Variants in SLC16A12 observed in about 807,000 individuals in gnomAD.
SLC16A12 encodes the protein monocarboxylate transporter 12.
In SLC16A12, 17 loss-of-function variants were observed where a neutral mutation model predicts 42.4. That is an observed-to-expected ratio of 0.40 (90% CI 0.27 to 0.60). The LOEUF is 0.60. Among genes scored for constraint, SLC16A12 ranks in the 20% least tolerant of loss-of-function variants. The probability of loss-of-function intolerance (pLI) is 0.42; values close to 1 mark genes in which losing one functional copy is unlikely to be tolerated. For synonymous variants in SLC16A12, 224 were observed against 229.4 expected, an observed-to-expected ratio of 0.98 and a Z score of 0.21; for missense variants, 544 against 623.0, an observed-to-expected ratio of 0.87 and a Z score of 1.35.
At position 89,431,693 on chromosome 10, in the gene SLC16A12, G is replaced by A. The variant is rs1451591596; in HGVS notation, c.*1371C>T. 6.6e-6 allele frequency: 1 copy of A among 152,114 alleles called. No individual in the cohort carries two copies. Among genetic ancestry groups the A allele is most frequent in the East Asian group, 1.9e-4 (1 of 5,188 alleles). 9.4% of individuals were successfully genotyped at this position (152,114 alleles called of 1,614,324 possible). A position where few individuals can be genotyped will look rare whatever the true frequency, so the allele number is the denominator to read the frequency against. ...GATTGCATAATTTACTCCTATTACA[G>A]GTGTGACACACTGTGAGATTCAGGA... is the stretch of plus-strand genomic sequence containing the variant. On this transcript the variant is annotated 3_prime_UTR_variant, in exon 8 of 8. Transcript: ENST00000371790.
In SLC16A12 at chr10:89,490,258, G is replaced by A. The variant is rs147996380; in HGVS notation, c.-46-27634C>T. On this transcript the variant is annotated intron_variant, in intron 2 of 7. Coordinates refer to ENST00000371790, the MANE Select transcript of SLC16A12 (RefSeq NM_213606.4). ...GGCAACTCCTGGAGGAGGTCATGTC[G>A]GTTTATATGTAAAACAGTACTCTGT... 1.6e-4 allele frequency among the ~76,000 whole-genome samples: 25 copies of A among 152,220 alleles called. No homozygotes were observed. The South Asian group carries it at 2.5e-3, about 15-fold the overall frequency.
chr10:89,505,375 A>C (rs1190933586), intron 2 of SLC16A12, among the ~76,000 whole-genome samples: 1 of 151,934 alleles, frequency 6.6e-6, no homozygotes, highest in Non-Finnish European at 1.5e-5. Flanking sequence ...AGATCATGCC[A>C]CTGCACTCCT....
intron 2 of SLC16A12, among the ~76,000 whole-genome samples, chr10:89,506,726 T>C (rs1025999868): frequency 3.3e-5 from 5 of 152,038 alleles, no homozygotes; most frequent in Non-Finnish European, 7.3e-5. Flanking sequence ...GAGAATGAGT[T>C]TGACAAATTG....
At chr10:89,546,346 AAAC>A (rs1843742580) in intron 2 of SLC16A12, among the ~76,000 whole-genome samples, 1 of 152,204 alleles carries the variant, frequency 6.6e-6, no homozygotes, top group South Asian at 2.1e-4. Context: ...ACAAGAAAAA[AAAC>A]AACACCATCA....
intron 2 of SLC16A12, among the ~76,000 whole-genome samples, chr10:89,530,421 TTTTC>T (rs1469724761): frequency 5.9e-5 from 9 of 151,920 alleles, no homozygotes; most frequent in African/African-American, 1.9e-4. Context: ...TGGTTTTTTT[TTTTC>T]TTTTTTTTCT....
At chr10:89,539,912 T>TCTTTCTTTC (rs1554833983), upstream of SLC16A12, among the ~76,000 whole-genome samples, 2 of 66,530 alleles carry the variant, frequency 3.0e-5, no homozygotes, top group African/African-American at 6.0e-5. Context: ...TTTCTTTCTT[T>TCTTTCTTTC]TTTCTTTTTT....
intron 2 of SLC16A12, among the ~76,000 whole-genome samples, chr10:89,468,442 C>A (rs1469842456): frequency 1.3e-5 from 2 of 152,208 alleles, no homozygotes; most frequent in African/African-American, 4.8e-5. Context: ...AGGCAAGTAG[C>A]TTTGGCTGAC....
Position 89,439,168 on chromosome 10 carries a change from A to G in SLC16A12, c.464T>C (p.Leu155Pro). 6.2e-7 allele frequency: 1 copy of G among 1,614,188 alleles called. No homozygotes were observed. The highest frequency in any genetic ancestry group is 8.5e-7 in the Non-Finnish European group (1 of 1,180,022). The change falls in exon 6 of 8, where the codon CTT becomes CCT. Residue 155 changes from leucine to proline, a missense_variant. Transcript: ENST00000371790. Reference protein sequence around the residue: ...LGVLTGLGFALCYSPAIAMVG... With the variant: ...LGVLTGLGFAPCYSPAIAMVG... ...CATGGCAATAGCTGGAGAGTAACAA[A>G]GTGCAAATCCAAGACCTGAGGATAA... is the stretch of plus-strand genomic sequence containing the variant.
In SLC16A12 at chr10:89,430,543, A is replaced by C; in HGVS notation, c.*2521T>G. 1 of 423,926 alleles carries C rather than the reference A, an allele frequency of 2.4e-6. No individual in the cohort carries two copies. Among genetic ancestry groups the C allele is most frequent in the Admixed American group, 3.8e-5 (1 of 26,436 alleles). 26.3% of individuals were successfully genotyped at this position (423,926 alleles called of 1,614,324 possible). The stretch of plus-strand genomic sequence containing the variant: ...TTTTGTTCTTGATTCCACAAAATAC[A>C]TCATTCCCATGAATTTCTCAGTTTT... On this transcript the variant is annotated 3_prime_UTR_variant, in exon 8 of 8. Transcript: ENST00000371790.
intron 2 of SLC16A12, among the ~76,000 whole-genome samples, chr10:89,513,299 A>T (rs1843193391): frequency 6.6e-6 from 1 of 152,140 alleles, no homozygotes; most frequent in South Asian, 2.1e-4. Flanking sequence ...AAAGTATTTG[A>T]TTGTTTGAAT....
Position 89,494,696 on chromosome 10 carries a change from C to T in SLC16A12, c.-46-32072G>A, listed in dbSNP as rs117395552. 4.8e-3 allele frequency among the ~76,000 whole-genome samples: 732 copies of T among 152,192 alleles called. 2 individuals are homozygous for T. Among genetic ancestry groups the T allele is most frequent in the Middle Eastern group, 0.01 (3 of 294 alleles). On this transcript the variant is annotated intron_variant, in intron 2 of 7. Coordinates refer to ENST00000371790, the MANE Select transcript of SLC16A12 (RefSeq NM_213606.4). ...TTTAGCAAAACAGAGAACACTGAAACCTAATCCAACATGGAAGGGAGACGG... is the reference window on the plus strand; with the variant it reads ...TTTAGCAAAACAGAGAACACTGAAATCTAATCCAACATGGAAGGGAGACGG...
intron 2 of SLC16A12, among the ~76,000 whole-genome samples, chr10:89,528,432 T>A (rs1843490074): frequency 6.6e-6 from 1 of 152,290 alleles, no homozygotes; most frequent in African/African-American, 2.4e-5. Context: ...TTGAAAATAG[T>A]TGGTTAATTA....
At chr10:89,508,162 G>A (rs934827139) in intron 2 of SLC16A12, among the ~76,000 whole-genome samples, 1 of 152,142 alleles carries the variant, frequency 6.6e-6, no homozygotes, top group African/African-American at 2.4e-5. Context: ...ATATTAGACA[G>A]ATCAATGAGA....
At chr10:89,529,583 T>C (rs1843508165) in intron 2 of SLC16A12, among the ~76,000 whole-genome samples, 1 of 150,058 alleles carries the variant, frequency 6.7e-6, no homozygotes, top group African/African-American at 2.5e-5. Flanking sequence ...AGTCTCTCTC[T>C]GTTGCCCAGG....
chr10:89,440,469 C>T (rs919066505), intron 5 of SLC16A12, among the ~76,000 whole-genome samples: 3 of 152,206 alleles, frequency 2.0e-5, no homozygotes, highest in South Asian at 2.1e-4. Context: ...TGGCACAATG[C>T]CCAGACAGGA....
At position 89,525,721 on chromosome 10, in the gene SLC16A12, A is replaced by G. The variant is rs186971703; in HGVS notation, c.-47+8780T>C. 1.5e-3 allele frequency among the ~76,000 whole-genome samples: 232 copies of G among 152,320 alleles called. 1 individual carries two copies. Among genetic ancestry groups the G allele is most frequent in the African/African-American group, 5.2e-3 (216 of 41,564 alleles). On this transcript the variant is annotated intron_variant, in intron 2 of 7. Coordinates refer to ENST00000371790, the MANE Select transcript of SLC16A12 (RefSeq NM_213606.4). ...GGTGTTCCTCATGACTAAATTTACC[A>G]AAGAGCCGGCTGGCATTGAGGGTGG...
intron 2 of SLC16A12, among the ~76,000 whole-genome samples, chr10:89,522,454 G>A (rs1314077332): frequency 1.3e-5 from 2 of 152,070 alleles, no homozygotes; most frequent in Admixed American, 6.5e-5. Flanking sequence ...CCCCAATTCT[G>A]CATCAATCTG....
intron 2 of SLC16A12, among the ~76,000 whole-genome samples, chr10:89,555,696 TAC>T (rs1335827589): frequency 8.4e-6 from 1 of 119,638 alleles, no homozygotes; most frequent in Non-Finnish European, 1.7e-5. Context: ...CACACATATA[TAC>T]ATATATATAT....
chr10:89,513,005 C>T (rs1247420515), intron 2 of SLC16A12, among the ~76,000 whole-genome samples: 1 of 152,150 alleles, frequency 6.6e-6, no homozygotes, highest in South Asian at 2.1e-4. Flanking sequence ...TGGAGGACTA[C>T]TCAGTGTGGA....
Sources: allele counts gnomAD v4.1 joint callset (sites outside exome capture counted in the v4.1 genomes callset), GRCh38; gene constraint gnomAD v4.1.1; transcripts MANE v1.5; gene names NCBI Gene and HGNC (gene_info 2026-07-23, HGNC 2026-07-21).